GABRG3: variants seen among roughly 807,000 people sequenced by gnomAD.
GABRG3 encodes gamma-aminobutyric acid type A receptor subunit gamma3.
A neutral mutation model predicts 48.8 loss-of-function variants in GABRG3; 25 were observed. That is an observed-to-expected ratio of 0.51 (90% CI 0.37 to 0.72). The LOEUF is 0.72. GABRG3 is among the 30% of genes least tolerant of loss of function. The pLI, the probability that GABRG3 is intolerant of heterozygous loss-of-function variation, is 0.00. For missense variants in GABRG3, 394 were observed against 577.9 expected (o/e 0.68, Z 3.26); for synonymous variants, 227 against 217.6 (o/e 1.04, Z -0.38).
At chr15:27,240,173 C>A (rs930909141) in intron 3 of GABRG3, among the ~76,000 whole-genome samples, 1 of 152,028 alleles carries the variant, frequency 6.6e-6, no homozygotes, top group Non-Finnish European at 1.5e-5. Flanking sequence ...TTTCTGAGGC[C>A]CCCTCAATGT....
chr15:27,281,488 A>G (rs1891432350), intron 3 of GABRG3, among the ~76,000 whole-genome samples: 1 of 135,890 alleles, frequency 7.4e-6, no homozygotes, highest in South Asian at 2.3e-4. Context: ...TTTTTTTTTT[A>G]CAGTTACACT....
At chr15:27,379,330 T>C (rs962354483) in intron 5 of GABRG3, among the ~76,000 whole-genome samples, 4 of 152,218 alleles carry the variant, frequency 2.6e-5, no homozygotes, top group Admixed American at 2.6e-4. Context: ...GTGTGAGTAC[T>C]TTACAACAGT....
At chr15:27,005,382 C>CTA (rs1895564948) in intron 2 of GABRG3, among the ~76,000 whole-genome samples, 2 of 152,144 alleles carry the variant, frequency 1.3e-5, no homozygotes, top group South Asian at 4.1e-4. Flanking sequence ...TGTTAAATAT[C>CTA]TTAATGAAGC....
At chr15:27,295,161 A>G (rs896981148) in intron 3 of GABRG3, 7 of 152,216 alleles carry the variant, frequency 4.6e-5, no homozygotes, top group African/African-American at 1.7e-4. Context: ...AAACCCATCA[A>G]AAGTCACTGC....
At position 27,457,724 on chromosome 15, in the gene GABRG3, G is replaced by A. The variant is rs904202083; in HGVS notation, c.575-22926G>A. ...TTACTCTGACCTGATGGTTGCAGTC[G>A]CCGTGTTTTCTGGCCAGTGGTATAA... On this transcript the variant is annotated intron_variant, in intron 5 of 9. Transcript: ENST00000615808. This position sits in a 1 kb window ranked among gnomAD's most constrained non-coding sequence, Gnocchi z 4.4. Among the ~76,000 whole-genome samples the A allele has an allele frequency of 2.6e-5, 4 of 152,196 alleles. No individual in the cohort carries two copies. Among genetic ancestry groups the A allele is most frequent in the East Asian group, 1.9e-4 (1 of 5,130 alleles).
At chr15:27,485,054 A>G (rs1360618166) in intron 6 of GABRG3, among the ~76,000 whole-genome samples, 2 of 152,196 alleles carry the variant, frequency 1.3e-5, no homozygotes, top group Non-Finnish European at 2.9e-5. Context: ...ACTTTCTTCC[A>G]AAGAGCGCAG....
At chr15:27,022,913 G>C (rs183920705) in intron 2 of GABRG3, among the ~76,000 whole-genome samples, 10 of 152,272 alleles carry the variant, frequency 6.6e-5, no homozygotes, top group African/African-American at 2.4e-4. Flanking sequence ...AAGAGAAAAG[G>C]CAGCCCATGT....
chr15:27,069,494 T>G (rs2140732241), intron 3 of GABRG3, among the ~76,000 whole-genome samples: 1 of 152,354 alleles, frequency 6.6e-6, no homozygotes, highest in South Asian at 2.1e-4. Context: ...TCAGAGAGAC[T>G]CGCGCAGGAA....
At chr15:27,134,073 A>G (rs1346258987) in intron 3 of GABRG3, among the ~76,000 whole-genome samples, 61 of 152,164 alleles carry the variant, frequency 4.0e-4, no homozygotes, top group Admixed American at 3.7e-3. Context: ...ATCTCCCACC[A>G]CCAAAGGGAA....
chr15:26,985,645 C>G (rs1055233520), intron 2 of GABRG3, among the ~76,000 whole-genome samples: 12 of 151,946 alleles, frequency 7.9e-5, no homozygotes, highest in African/African-American at 2.7e-4. Context: ...GCAGACGAAG[C>G]CCCCCACTTG....
At chr15:27,269,037 A>G (rs896721009) in intron 3 of GABRG3, among the ~76,000 whole-genome samples, 2 of 152,152 alleles carry the variant, frequency 1.3e-5, no homozygotes, top group Non-Finnish European at 2.9e-5. Context: ...TAGTTATTTC[A>G]GGCAGGAGGG....
At chr15:27,314,581 A>C (rs897367619) in intron 3 of GABRG3, among the ~76,000 whole-genome samples, 1 of 152,222 alleles carries the variant, frequency 6.6e-6, no homozygotes, top group African/African-American at 2.4e-5. Context: ...GAAGCATTGA[A>C]ATGAGGGTCT....
At chr15:27,104,214 A>G (rs1042711603) in intron 3 of GABRG3, among the ~76,000 whole-genome samples, 1 of 152,242 alleles carries the variant, frequency 6.6e-6, no homozygotes, top group Non-Finnish European at 1.5e-5. Flanking sequence ...TTCTGCCTCA[A>G]AACAATTTCA....
intron 3 of GABRG3, among the ~76,000 whole-genome samples, chr15:27,097,006 ATTT>A (rs36057231): frequency 3.0e-5 from 4 of 131,706 alleles, no homozygotes; most frequent in Admixed American, 7.6e-5. Context: ...ATACCCGGCT[ATTT>A]TTTTTTTTTT....
intron 2 of GABRG3, among the ~76,000 whole-genome samples, chr15:27,004,180 C>T (rs1171507109): frequency 1.3e-5 from 2 of 151,264 alleles, no homozygotes; most frequent in East Asian, 2.0e-4. Flanking sequence ...AGAGGCTCCT[C>T]ACTTCCCAGA....
chr15:26,981,634 A>T (rs1353512194), intron 2 of GABRG3, among the ~76,000 whole-genome samples: 1 of 152,206 alleles, frequency 6.6e-6, no homozygotes, highest in Non-Finnish European at 1.5e-5. Context: ...ATATTTGGCC[A>T]GGAGGGAAGT....
chr15:27,192,689 A>G (rs957998948), intron 3 of GABRG3, among the ~76,000 whole-genome samples: 4 of 152,146 alleles, frequency 2.6e-5, no homozygotes, highest in African/African-American at 9.7e-5. Flanking sequence ...TGTAGCTCAT[A>G]GTTTGATCAT....
rs1396372613 is a variant in GABRG3, at chr15:27,179,424, G to C, written c.271-147385G>C. Among the ~76,000 whole-genome samples, 1 of 152,114 alleles carries C rather than the reference G, an allele frequency of 6.6e-6. No homozygotes were observed. The highest frequency in any genetic ancestry group is 1.9e-4 in the East Asian group (1 of 5,194). ...TGTTGATAATGATGCCCTCAGTTTT[G>C]TAATTGCTTATTTACCTTGTTTGCA... On this transcript the variant is annotated intron_variant, in intron 3 of 9. Transcript: ENST00000615808. The surrounding 1 kb of genome is among the most constrained non-coding windows in gnomAD (Gnocchi z 4.0).
intron 2 of GABRG3, among the ~76,000 whole-genome samples, chr15:27,024,290 C>T (rs967774304): frequency 9.2e-5 from 14 of 152,162 alleles, no homozygotes; most frequent in South Asian, 6.2e-4. Context: ...CCTATATGCA[C>T]AGAAGTTTTA....
Sources: gnomAD v4.1 joint callset for allele counts (sites outside exome capture counted in the v4.1 genomes callset) on GRCh38, gnomAD v4.1.1 for gene constraint, Gnocchi (gnomAD v3.1) non-coding constraint, MANE v1.5 for transcripts, NCBI Gene and HGNC (gene_info 2026-07-23, HGNC 2026-07-21) for gene names.